The following SLC17A1 variants were observed in gnomAD, a reference collection of about 807,000 sequenced individuals.
SLC17A1 encodes solute carrier family 17 member 1.
In SLC17A1, 51 loss-of-function variants were observed where a neutral mutation model predicts 53.5. That is an observed-to-expected ratio of 0.95 (90% CI 0.76 to 1.20). The LOEUF is 1.20. SLC17A1 is among the 50% of genes most tolerant of loss of function. The pLI is 0.00. For synonymous variants in SLC17A1, 179 were observed against 198.8 expected (o/e 0.90, Z 0.84); for missense variants, 538 against 568.2 (o/e 0.95, Z 0.54).
the SLC17A1 span, chr6:25,727,437 G>GC: frequency 1.5e-6 from 1 of 688,838 alleles, no homozygotes; most frequent in Non-Finnish European, 2.3e-6. Context: ...ACTCTCCCAG[G>GC]CTGGAGTGCA....
At chr6:25,791,487 G>A (rs1323671054) in intron 12 of SLC17A1, among the ~76,000 whole-genome samples, 1 of 152,150 alleles carries the variant, frequency 6.6e-6, no homozygotes, top group African/African-American at 2.4e-5. Context: ...TTTACTAAAA[G>A]TTGGTATTTT....
chr6:25,753,960 A>C, the SLC17A1 span, among the ~76,000 whole-genome samples: 1 of 152,174 alleles, frequency 6.6e-6, no homozygotes, highest in Non-Finnish European at 1.5e-5. Context: ...GATTCAGCAA[A>C]ACGTATTGAC....
chr6:25,726,455 G>A, the SLC17A1 span: 12 of 1,613,834 alleles, frequency 7.4e-6, no homozygotes, highest in East Asian at 8.9e-5. Flanking sequence ...ACGGGAAACT[G>A]CAAACCCGCT....
In SLC17A1 at chr6:25,830,433, G is replaced by A. The variant is rs1045115743; in HGVS notation, c.34+91C>T. ...TCTGAACATTTTTAAGACCCCATAT[G>A]TATATCACAAAAATATTCTTCCACA... On this transcript the variant is annotated intron_variant, in intron 2 of 12. Coordinates refer to ENST00000244527, the MANE Select transcript of SLC17A1 (RefSeq NM_005074.5). The A allele has an allele frequency of 7.1e-6, 7 of 990,826 alleles. No homozygotes were observed. The African/African-American group carries it at 9.5e-5, about 13-fold the overall frequency. The allele number at this position is 990,826 out of a possible 1,614,324, so 61.4% of individuals were successfully genotyped here. A position where few individuals can be genotyped will look rare whatever the true frequency, so the allele number is the denominator to read the frequency against.
the SLC17A1 span, chr6:25,726,917 G>A: frequency 5.6e-6 from 9 of 1,612,288 alleles, no homozygotes; most frequent in East Asian, 6.7e-5. Flanking sequence ...CTATGCCGGA[G>A]GTGTCATCTA....
chr6:25,824,076 T>C (rs1451366346), intron 3 of SLC17A1, among the ~76,000 whole-genome samples: 1 of 151,952 alleles, frequency 6.6e-6, no homozygotes, highest in African/African-American at 2.4e-5. Flanking sequence ...ATGCAACATG[T>C]ACAAAAAGTA....
the SLC17A1 span, among the ~76,000 whole-genome samples, chr6:25,760,673 T>C: frequency 3.3e-5 from 5 of 152,338 alleles, no homozygotes; most frequent in East Asian, 9.6e-4. Context: ...ATCATCTCAC[T>C]GAGCTTTATT....
the SLC17A1 span, chr6:25,726,100 A>G: frequency 3.9e-6 from 5 of 1,295,512 alleles, no homozygotes; most frequent in Non-Finnish European, 5.2e-6. Context: ...TTTTTCTGAC[A>G]CAGAAGTCTT....
chr6:25,727,151 T>C, the SLC17A1 span: 2 of 1,614,196 alleles, frequency 1.2e-6, no homozygotes, highest in South Asian at 2.2e-5. Context: ...AGGCATCACG[T>C]TTGGCTCACT....
the SLC17A1 span, chr6:25,768,967 A>T: frequency 6.2e-7 from 1 of 1,611,986 alleles, no homozygotes; most frequent in East Asian, 2.2e-5. Flanking sequence ...GTGATTTTTC[A>T]TGCCCTTTTC....
chr6:25,732,173 C>G, the SLC17A1 span: 2 of 415,980 alleles, frequency 4.8e-6, no homozygotes, highest in East Asian at 5.5e-5. Context: ...GTTTATCTTC[C>G]AAGTTCACAG....
At chr6:25,744,194 A>C in the SLC17A1 span, among the ~76,000 whole-genome samples, 1 of 152,198 alleles carries the variant, frequency 6.6e-6, no homozygotes, top group South Asian at 2.1e-4. Context: ...CATGCTAAGG[A>C]GATTGGAACC....
the SLC17A1 span, among the ~76,000 whole-genome samples, chr6:25,724,094 G>T: frequency 2.3e-4 from 35 of 152,150 alleles, no homozygotes; most frequent in African/African-American, 8.4e-4. Flanking sequence ...AAGAATACCT[G>T]GAGATAAACT....
intron 3 of SLC17A1, among the ~76,000 whole-genome samples, chr6:25,825,105 CTT>C (rs1293413806): frequency 6.6e-6 from 1 of 151,856 alleles, no homozygotes; most frequent in Non-Finnish European, 1.5e-5. Flanking sequence ...TTATCTGAGT[CTT>C]TATATTTTAA....
the SLC17A1 span, among the ~76,000 whole-genome samples, chr6:25,765,544 C>T: frequency 1.6e-4 from 25 of 151,948 alleles, no homozygotes; most frequent in Non-Finnish European, 3.1e-4. Context: ...TTAAAGTTCT[C>T]AATAATGACA....
At chr6:25,788,754 G>A (rs1440332411) in intron 12 of SLC17A1, among the ~76,000 whole-genome samples, 1 of 152,188 alleles carries the variant, frequency 6.6e-6, no homozygotes. Context: ...AGAGTGAGGG[G>A]TGTAGGCCTG....
the SLC17A1 span, chr6:25,732,352 C>A: frequency 3.8e-6 from 1 of 262,230 alleles, no homozygotes; most frequent in South Asian, 5.2e-5. Flanking sequence ...GCCAATCAAT[C>A]AGATAATCCA....
the SLC17A1 span, chr6:25,771,134 A>C: frequency 2.6e-4 from 204 of 779,512 alleles, 1 homozygote; most frequent in Middle Eastern, 2.5e-3. Context: ...TAGTGTTCAG[A>C]GCCAACTACA....
At chr6:25,758,773 T>G in the SLC17A1 span, among the ~76,000 whole-genome samples, 1 of 145,790 alleles carries the variant, frequency 6.9e-6, no homozygotes, top group Non-Finnish European at 1.5e-5. Flanking sequence ...TTGTATTTTT[T>G]GTTTGTTTGT....
Sources: gnomAD v4.1 joint callset for allele counts (sites outside exome capture counted in the v4.1 genomes callset) on GRCh38, gnomAD v4.1.1 for gene constraint, MANE v1.5 for transcripts, NCBI Gene and HGNC (gene_info 2026-07-23, HGNC 2026-07-21) for gene names.